Variants in CCDC25 observed in about 807,000 individuals in gnomAD.
The protein encoded by CCDC25 is coiled-coil domain-containing protein 25.
In CCDC25, 16 loss-of-function variants were observed where a neutral mutation model predicts 35.3. That is an observed-to-expected ratio of 0.45 (90% CI 0.31 to 0.69). The LOEUF (loss-of-function observed/expected upper bound fraction) is 0.69, where lower values mean the gene tolerates loss of function less well. Ranked by LOEUF, CCDC25 falls within the 30% of genes least tolerant of loss-of-function variation. The probability of loss-of-function intolerance (pLI) is 0.06; values close to 1 mark genes in which losing one functional copy is unlikely to be tolerated. For missense variants in CCDC25, 179 were observed against 250.7 expected (o/e 0.71, Z 1.93); for synonymous variants, 79 against 80.3 (o/e 0.98, Z 0.09).
At chr8:27,753,231 G>A (rs750521765) in intron 4 of CCDC25, among the ~76,000 whole-genome samples, 2 of 152,186 alleles carry the variant, frequency 1.3e-5, no homozygotes, top group Non-Finnish European at 2.9e-5. Context: ...AACTTGCTCA[G>A]AGTCACGTGG....
Position 27,772,622 on chromosome 8 carries a change from C to T in CCDC25, c.-82G>A. ...GCTCAGGATACCAGACTCGCGGCGG[C>T]CGCCTGGCCCCCGGAACTCCTCCGT... On this transcript the variant is annotated 5_prime_UTR_variant, in exon 1 of 9. Transcript: ENST00000356537. The T allele has an allele frequency of 7.0e-7, 1 of 1,419,460 alleles. No homozygotes were observed. The highest frequency in any genetic ancestry group is 9.7e-7 in the Non-Finnish European group (1 of 1,034,130). The allele number at this position is 1,419,460 out of a possible 1,614,324, so 87.9% of individuals were successfully genotyped here.
chr8:27,752,962 G>A (rs1803867782), intron 4 of CCDC25: 1 of 168,444 alleles, frequency 5.9e-6, no homozygotes, highest in African/African-American at 2.4e-5. Flanking sequence ...ACAACTGGAT[G>A]TCTTCGTGGC....
At chr8:27,763,168 T>A (rs940354258) in intron 2 of CCDC25, among the ~76,000 whole-genome samples, 1 of 152,238 alleles carries the variant, frequency 6.6e-6, no homozygotes, top group Non-Finnish European at 1.5e-5. Flanking sequence ...AACTTTTCTA[T>A]TGTTGGCCCT....
At position 27,772,638 on chromosome 8, in the gene CCDC25, A is replaced by C; in HGVS notation, c.-98T>G. ...TCGCGGCGGCCGCCTGGCCCCCGGAACTCCTCCGTGCACTTCCGGCGGACG... is the reference window on the plus strand; with the variant it reads ...TCGCGGCGGCCGCCTGGCCCCCGGACCTCCTCCGTGCACTTCCGGCGGACG... On this transcript the variant is annotated 5_prime_UTR_variant, in exon 1 of 9. Transcript: ENST00000356537. 5.0e-6 allele frequency: 6 copies of C among 1,210,372 alleles called. No homozygotes were observed. Among genetic ancestry groups the C allele is most frequent in the Non-Finnish European group, 7.0e-6 (6 of 852,422 alleles). 75.0% of individuals were successfully genotyped at this position (1,210,372 alleles called of 1,614,324 possible).
intron 4 of CCDC25, 61 bp from the exon 5 acceptor site, chr8:27,752,648 T>C (rs1803854234): frequency 7.7e-7 from 1 of 1,297,818 alleles, no homozygotes; most frequent in Admixed American, 1.7e-5. Context: ...ACTGGAGCAC[T>C]CAAAGGGCAT....
At chr8:27,744,769 A>T (rs1803551889) in intron 7 of CCDC25, among the ~76,000 whole-genome samples, 1 of 152,192 alleles carries the variant, frequency 6.6e-6, no homozygotes, top group Non-Finnish European at 1.5e-5. Flanking sequence ...AGCACGATAG[A>T]CTATTGGCTT....
intron 3 of CCDC25, among the ~76,000 whole-genome samples, chr8:27,761,446 T>G (rs969824408): frequency 6.6e-6 from 1 of 152,124 alleles, no homozygotes; most frequent in African/African-American, 2.4e-5. Context: ...TGTTGTGAAG[T>G]TAAATGTATT....
chr8:27,753,993 A>G (rs75669957), intron 4 of CCDC25, among the ~76,000 whole-genome samples: 2 of 152,214 alleles, frequency 1.3e-5, no homozygotes, highest in African/African-American at 4.8e-5. Flanking sequence ...TATAAAACCC[A>G]AAAGGGTTTT....
At chr8:27,739,062 C>G (rs1263550629) in intron 8 of CCDC25, among the ~76,000 whole-genome samples, 4 of 152,184 alleles carry the variant, frequency 2.6e-5, no homozygotes, top group African/African-American at 9.7e-5. Context: ...AATACTCCCT[C>G]AGAGAGGTTA....
chr8:27,772,499 T>C lies in CCDC25; in HGVS notation c.28+14A>G, dbSNP rs1038851508. The stretch of plus-strand genomic sequence containing the variant: ...CTGTCCAGCAGGGTCCAGGAGGACG[T>C]GGCGCCCACTCACCGCTGCTGCTGG... On this transcript the variant is annotated intron_variant, in intron 1 of 8. Coordinates refer to ENST00000356537, the MANE Select transcript of CCDC25 (RefSeq NM_018246.3). The C allele has an allele frequency of 1.9e-5, 30 of 1,550,016 alleles. No individual in the cohort carries two copies. Among genetic ancestry groups the C allele is most frequent in the Middle Eastern group, 1.7e-4 (1 of 5,780 alleles).
intron 5 of CCDC25, among the ~76,000 whole-genome samples, chr8:27,751,895 C>T (rs1321476751): frequency 6.6e-6 from 1 of 152,160 alleles, no homozygotes; most frequent in East Asian, 1.9e-4. Context: ...TCAACCCATG[C>T]TGCACAGGAG....
At chr8:27,763,497 C>A (rs142996751) in intron 2 of CCDC25, among the ~76,000 whole-genome samples, 2 of 152,174 alleles carry the variant, frequency 1.3e-5, no homozygotes, top group African/African-American at 4.8e-5. Context: ...GCGAGCAGAT[C>A]ACCTGAGGTC....
intron 3 of CCDC25, among the ~76,000 whole-genome samples, chr8:27,760,979 A>C (rs1215798848): frequency 6.6e-6 from 1 of 152,128 alleles, no homozygotes; most frequent in African/African-American, 2.4e-5. Flanking sequence ...AATACAAAAA[A>C]TTAGCCAGGC....
At chr8:27,769,867 C>G (rs557350109) in intron 1 of CCDC25, among the ~76,000 whole-genome samples, 106 of 152,298 alleles carry the variant, frequency 7.0e-4, no homozygotes, top group African/African-American at 2.3e-3. Flanking sequence ...TTTGGCTGAG[C>G]GTGGTGATTC....
At chr8:27,754,249 C>G (rs1585359038) in intron 4 of CCDC25, among the ~76,000 whole-genome samples, 1 of 152,232 alleles carries the variant, frequency 6.6e-6, no homozygotes, top group Non-Finnish European at 1.5e-5. Context: ...AAAAGAGTTT[C>G]ATATTAATTG....
chr8:27,759,856 C>A (rs7831769), intron 3 of CCDC25, among the ~76,000 whole-genome samples: 59,477 of 148,624 alleles, frequency 0.4, 12,459 homozygotes, highest in East Asian at 0.62. Flanking sequence ...TTAAAGGAGC[C>A]TCAGGAGGTT....
intron 2 of CCDC25, among the ~76,000 whole-genome samples, chr8:27,762,836 A>C (rs1032276908): frequency 6.6e-6 from 1 of 152,168 alleles, no homozygotes; most frequent in African/African-American, 2.4e-5. Flanking sequence ...GAAATATTTT[A>C]CTTCTTTAAG....
At chr8:27,765,338 C>G (rs751417212) in intron 1 of CCDC25, 87 bp from the exon 2 acceptor site, 83 of 1,128,866 alleles carry the variant, frequency 7.4e-5, no homozygotes, top group Non-Finnish European at 9.3e-5. Context: ...AATTCTTAGA[C>G]TAGGGGCTGG....
intron 1 of CCDC25, 67 bp downstream of exon 1, chr8:27,772,446 G>C: frequency 6.7e-7 from 1 of 1,483,532 alleles, no homozygotes; most frequent in Non-Finnish European, 9.2e-7. Context: ...GCGCAGCGGC[G>C]GACTGCGGGT....
Sources: allele counts gnomAD v4.1 joint callset (sites outside exome capture counted in the v4.1 genomes callset), GRCh38; gene constraint gnomAD v4.1.1; transcripts MANE v1.5; gene names NCBI Gene and HGNC (gene_info 2026-07-23, HGNC 2026-07-21).